ASTN1: variants seen among roughly 807,000 people sequenced by gnomAD.
ASTN1 encodes astrotactin 1.
Under a neutral mutation model 140.7 loss-of-function variants are expected in ASTN1, and 41 were observed. That is an observed-to-expected ratio of 0.29 (90% confidence interval 0.23 to 0.38). The LOEUF (loss-of-function observed/expected upper bound fraction) is 0.38. Ranked by LOEUF, ASTN1 falls within the 10% of genes least tolerant of loss-of-function variation. The probability of loss-of-function intolerance (pLI) is 1.00; values close to 1 mark genes in which losing one functional copy is unlikely to be tolerated. For synonymous variants in ASTN1, 640 were observed against 652.2 expected (o/e 0.98, Z 0.29); for missense variants, 1,479 against 1,678.8 (o/e 0.88, Z 2.08).
intron 8 of ASTN1, among the ~76,000 whole-genome samples, chr1:177,008,851 G>A (rs1184781390): frequency 1.3e-5 from 2 of 152,080 alleles, no homozygotes; most frequent in East Asian, 1.9e-4. Flanking sequence ...GGCAGGAAAC[G>A]AGGGCACCCA....
chr1:176,920,973 C>T (rs1009010695), intron 16 of ASTN1, among the ~76,000 whole-genome samples: 2 of 152,202 alleles, frequency 1.3e-5, no homozygotes, highest in African/African-American at 4.8e-5. Flanking sequence ...CAAAGTTTAT[C>T]TGGAAATTTC....
chr1:176,887,091 T>C (rs531328574), intron 18 of ASTN1, among the ~76,000 whole-genome samples: 46 of 152,272 alleles, frequency 3.0e-4, no homozygotes, highest in African/African-American at 9.9e-4. Flanking sequence ...AAATGCAGAC[T>C]CTCCTATTGT....
rs1183064681 is a variant in ASTN1 at position 177,018,311 on chromosome 1, AC to A, written c.1439-3437del. Among the ~76,000 whole-genome samples the A allele has an allele frequency of 2.6e-5, 4 of 152,194 alleles. No homozygotes were observed. In the South Asian group the frequency reaches 6.2e-4, roughly 24 times the overall value. On this transcript the variant is annotated intron_variant, in intron 7 of 22. Coordinates refer to ENST00000361833, the MANE Select transcript of ASTN1 (RefSeq NM_004319.3). Reference sequence around the variant, plus strand: ...TCAGGAACAAAATCGGGACTGAGCTACCCTGCCAAATTAGGTAAAAATCCAA... The same window carrying A: ...TCAGGAACAAAATCGGGACTGAGCTACCTGCCAAATTAGGTAAAAATCCAA...
At chr1:177,147,848 A>C (rs921309340) in intron 1 of ASTN1, among the ~76,000 whole-genome samples, 9 of 152,272 alleles carry the variant, frequency 5.9e-5, no homozygotes, top group African/African-American at 2.2e-4. Flanking sequence ...GGAGTCTGCT[A>C]GGAGAAAGAC....
At chr1:176,966,115 C>T (rs779890503) in intron 8 of ASTN1, among the ~76,000 whole-genome samples, 1 of 152,094 alleles carries the variant, frequency 6.6e-6, no homozygotes, top group African/African-American at 2.4e-5. Context: ...TGGATTTAGC[C>T]CTTACACTTG....
At chr1:176,998,191 C>A (rs1674544854) in intron 8 of ASTN1, among the ~76,000 whole-genome samples, 1 of 152,050 alleles carries the variant, frequency 6.6e-6, no homozygotes, top group Non-Finnish European at 1.5e-5. Flanking sequence ...GTTATTGCAC[C>A]CCTCTGTACC....
chr1:177,016,313 T>TAAAA (rs35104433), intron 7 of ASTN1, among the ~76,000 whole-genome samples: 1 of 127,142 alleles, frequency 7.9e-6, no homozygotes, highest in Non-Finnish European at 1.6e-5. Flanking sequence ...TCTTCATTTG[T>TAAAA]AAAAAAAAAA....
chr1:176,952,600 C>T (rs969973887), intron 11 of ASTN1, among the ~76,000 whole-genome samples: 1 of 152,006 alleles, frequency 6.6e-6, no homozygotes, highest in Non-Finnish European at 1.5e-5. Context: ...TTGTTTTTTG[C>T]CTGAATCTTC....
chr1:177,121,775 C>A (rs1351027009), intron 1 of ASTN1, among the ~76,000 whole-genome samples: 1 of 152,060 alleles, frequency 6.6e-6, no homozygotes, highest in African/African-American at 2.4e-5. Context: ...GTATATTCCC[C>A]AGGTCCCTGC....
intron 16 of ASTN1, among the ~76,000 whole-genome samples, chr1:176,899,207 G>A (rs959404987): frequency 6.6e-6 from 1 of 152,236 alleles, no homozygotes; most frequent in Non-Finnish European, 1.5e-5. Flanking sequence ...CAGTGGATGA[G>A]TTTCCCCAAT....
intron 1 of ASTN1, among the ~76,000 whole-genome samples, chr1:177,139,339 T>A (rs1272338093): frequency 2.6e-5 from 4 of 152,162 alleles, no homozygotes; most frequent in African/African-American, 9.7e-5. Context: ...ATAGGGCAAA[T>A]GTGAAAAGTA....
At chr1:176,986,403 G>T (rs1435238095) in intron 8 of ASTN1, among the ~76,000 whole-genome samples, 1 of 152,152 alleles carries the variant, frequency 6.6e-6, no homozygotes, top group Non-Finnish European at 1.5e-5. Flanking sequence ...CTGCAAGGAG[G>T]TACATGTGGC....
chr1:177,026,936 C>A (rs1158890919), intron 5 of ASTN1, among the ~76,000 whole-genome samples: 2 of 152,128 alleles, frequency 1.3e-5, no homozygotes, highest in Non-Finnish European at 2.9e-5. Flanking sequence ...CAGGATGTTG[C>A]TCTTTTGTCA....
chr1:176,917,448 C>T (rs1198898527), intron 16 of ASTN1, among the ~76,000 whole-genome samples: 1 of 152,164 alleles, frequency 6.6e-6, no homozygotes, highest in African/African-American at 2.4e-5. Flanking sequence ...CTTCATCTGG[C>T]ACCCCCGTGG....
At position 176,894,731 on chromosome 1, in the gene ASTN1, T is replaced by A. The variant is rs2228956; in HGVS notation, c.2771A>T (p.His924Leu). The change falls in exon 17 of 23, where the codon CAC (histidine) becomes CTC (leucine). Residue 924 changes from histidine to leucine, a missense_variant. His to Leu is a moderately conservative substitution (Grantham distance 99, BLOSUM62 -3). Transcript: ENST00000361833. ...ITSLSDSGTK[H>L]MAAGVRMECH... ...CTCCATGCGGACTCCAGCCGCCATGTGCTTGGTGCCGGAGTCTGACAAGCT... is the reference window on the plus strand; with the variant it reads ...CTCCATGCGGACTCCAGCCGCCATGAGCTTGGTGCCGGAGTCTGACAAGCT... 9 of 1,614,126 alleles carry A rather than the reference T, an allele frequency of 5.6e-6. No homozygotes were observed. In the Admixed American group the frequency reaches 1.2e-4, roughly 21 times the overall value.
At chr1:176,895,541 A>G (rs1329409764) in intron 16 of ASTN1, among the ~76,000 whole-genome samples, 4 of 152,228 alleles carry the variant, frequency 2.6e-5, no homozygotes, top group Admixed American at 2.6e-4. Flanking sequence ...ACTCTGCTTC[A>G]TTATTAATCA....
chr1:176,869,131 A>G (rs1668240854), intron 21 of ASTN1, 104 bp from the exon 22 acceptor site: 1 of 740,840 alleles, frequency 1.3e-6, no homozygotes. Context: ...TATCACATAT[A>G]AACATATGTA....
chr1:177,029,015 C>T (rs1676278692), intron 5 of ASTN1, among the ~76,000 whole-genome samples: 1 of 152,178 alleles, frequency 6.6e-6, no homozygotes, highest in Non-Finnish European at 1.5e-5. Context: ...CTGATCATGA[C>T]AGTGAAGTGG....
intron 8 of ASTN1, among the ~76,000 whole-genome samples, chr1:177,006,883 G>T (rs1450513632): frequency 6.6e-6 from 1 of 152,184 alleles, no homozygotes; most frequent in African/African-American, 2.4e-5. Context: ...AAAGCGGGAT[G>T]CAGAGAAGCA....
Sources: gnomAD v4.1 joint callset for allele counts (sites outside exome capture counted in the v4.1 genomes callset) on GRCh38, gnomAD v4.1.1 for gene constraint, MANE v1.5 for transcripts, NCBI Gene and HGNC (gene_info 2026-07-23, HGNC 2026-07-21) for gene names.